Variants in TCF4 observed in about 807,000 individuals in gnomAD.
The protein encoded by TCF4 is transcription factor 4, also known as SL3-3 enhancer factor 2.
TCF4 carries 3 observed loss-of-function variants against 82.1 expected under a neutral mutation model. The ratio of observed to expected loss-of-function variants is 0.04; its 90% CI spans 0.02 to 0.09. The LOEUF is 0.09. Ranked by LOEUF, TCF4 falls within the 10% of genes least tolerant of loss-of-function variation. TCF4 has a pLI of 1.00. For synonymous variants in TCF4, 276 were observed against 309.6 expected (o/e 0.89, Z 1.14); for missense variants, 518 against 852.7 (o/e 0.61, Z 4.89).
At chr18:55,381,880 A>G (rs2091954166) in intron 6 of TCF4, among the ~76,000 whole-genome samples, 1 of 151,102 alleles carries the variant, frequency 6.6e-6, no homozygotes, top group Admixed American at 6.6e-5. Flanking sequence ...GGATTTGATG[A>G]TCTTTAAGGT....
At chr18:55,470,106 C>G (rs2096140577) in intron 3 of TCF4, among the ~76,000 whole-genome samples, 1 of 152,032 alleles carries the variant, frequency 6.6e-6, no homozygotes, top group Non-Finnish European at 1.5e-5. Context: ...AGTATTCTAA[C>G]AGAAGATAAG....
At chr18:55,390,894 C>T (rs915266432) in intron 6 of TCF4, among the ~76,000 whole-genome samples, 5 of 152,150 alleles carry the variant, frequency 3.3e-5, no homozygotes, top group Admixed American at 2.0e-4. Flanking sequence ...AATGTTCTTT[C>T]CGGTGACAAA....
intron 8 of TCF4, among the ~76,000 whole-genome samples, chr18:55,337,371 C>T (rs1257998400): frequency 6.6e-6 from 1 of 152,172 alleles, no homozygotes; most frequent in Non-Finnish European, 1.5e-5. Context: ...TAGGGTAACT[C>T]TGAGACCATT....
chr18:55,239,330 C>T (rs917529306), intron 15 of TCF4, among the ~76,000 whole-genome samples: 12 of 152,136 alleles, frequency 7.9e-5, no homozygotes, highest in Non-Finnish European at 1.8e-4. Context: ...ACAAAGAAAG[C>T]TAAGGCCAAG....
chr18:55,317,771 T>G (rs1423200913), intron 8 of TCF4, among the ~76,000 whole-genome samples: 1 of 152,102 alleles, frequency 6.6e-6, no homozygotes, highest in African/African-American at 2.4e-5. Context: ...GATATTCAAA[T>G]ATTCCTAATT....
chr18:55,275,594 C>A, intron 10 of TCF4, 25 bp downstream of exon 10: 2 of 1,613,452 alleles, frequency 1.2e-6, no homozygotes, highest in South Asian at 1.1e-5. Flanking sequence ...TGTGACATTC[C>A]CGTTACCGTG....
At chr18:55,375,256 A>C (rs756259055) in intron 6 of TCF4, among the ~76,000 whole-genome samples, 1 of 151,880 alleles carries the variant, frequency 6.6e-6, no homozygotes, top group Non-Finnish European at 1.5e-5. Flanking sequence ...AACAAAATAG[A>C]CTTTTACTTC....
chr18:55,487,596 G>T (rs904226114), intron 3 of TCF4, among the ~76,000 whole-genome samples: 2 of 152,112 alleles, frequency 1.3e-5, no homozygotes, highest in Non-Finnish European at 2.9e-5. Context: ...AATGGTGATA[G>T]AAATATATTA....
chr18:55,468,518 C>T (rs17511376), intron 3 of TCF4, among the ~76,000 whole-genome samples: 4,060 of 152,152 alleles, frequency 0.027, 93 homozygotes, highest in Non-Finnish European at 0.033. Flanking sequence ...TGGCTCAATA[C>T]GATAGTTCAG....
At chr18:55,500,056 G>T (rs767396393) in intron 3 of TCF4, among the ~76,000 whole-genome samples, 1 of 152,056 alleles carries the variant, frequency 6.6e-6, no homozygotes, top group Non-Finnish European at 1.5e-5. Flanking sequence ...GGTGGTATAC[G>T]CCTGTAATCC....
At chr18:55,373,060 C>T (rs1415924324) in intron 6 of TCF4, among the ~76,000 whole-genome samples, 1 of 151,894 alleles carries the variant, frequency 6.6e-6, no homozygotes, top group African/African-American at 2.4e-5. Flanking sequence ...GAAAATTAAA[C>T]TATGTTTATT....
intron 2 of TCF4, chr18:55,586,802 A>T (rs2097653836): frequency 4.2e-6 from 2 of 473,760 alleles, no homozygotes; most frequent in South Asian, 4.2e-5. Context: ...TATTTGGGGT[A>T]ATCAGTGGGT....
intron 2 of TCF4, among the ~76,000 whole-genome samples, chr18:55,621,322 A>G (rs1414417818): frequency 6.8e-6 from 1 of 147,132 alleles, no homozygotes; most frequent in African/African-American, 2.5e-5. Context: ...ATTAGAAAAT[A>G]TTTAACATAT....
intron 6 of TCF4, among the ~76,000 whole-genome samples, chr18:55,379,207 T>C (rs761855488): frequency 6.6e-6 from 1 of 152,184 alleles, no homozygotes; most frequent in Non-Finnish European, 1.5e-5. Flanking sequence ...AGGTAGCATC[T>C]TAGCAGGGGT....
intron 3 of TCF4, among the ~76,000 whole-genome samples, chr18:55,499,716 T>C (rs960721619): frequency 5.9e-5 from 9 of 152,190 alleles, no homozygotes; most frequent in East Asian, 3.8e-4. Flanking sequence ...ATCCTGTACC[T>C]GGGGAAAGAG....
intron 5 of TCF4, among the ~76,000 whole-genome samples, chr18:55,427,925 G>T (rs936918547): frequency 6.6e-6 from 1 of 152,174 alleles, no homozygotes; most frequent in Admixed American, 6.5e-5. Context: ...GATTTTGCAT[G>T]ACCTCTGTCT....
In TCF4 at chr18:55,246,807, G is replaced by T. The variant is rs376921110; in HGVS notation, c.1350+7690C>A. Among the ~76,000 whole-genome samples the T allele has an allele frequency of 5.3e-5, 8 of 151,980 alleles. No homozygotes were observed. In the East Asian group the frequency reaches 7.7e-4, roughly 15 times the overall value. ...AATCTGCTCTCCGAAATACTTGATA[G>T]TTGTGGAGATTAGGAGAGATGACAG... is the stretch of plus-strand genomic sequence containing the variant. On this transcript the variant is annotated intron_variant, in intron 15 of 19. Transcript: ENST00000354452.
At chr18:55,300,945 A>G (rs1308223447) in intron 8 of TCF4, among the ~76,000 whole-genome samples, 1 of 152,306 alleles carries the variant, frequency 6.6e-6, no homozygotes, top group East Asian at 1.9e-4. Context: ...ATACAAGGTC[A>G]TCGATCATGG....
At chr18:55,248,324 C>T (rs1024587544) in intron 15 of TCF4, among the ~76,000 whole-genome samples, 5 of 152,214 alleles carry the variant, frequency 3.3e-5, no homozygotes, top group Non-Finnish European at 5.9e-5. Flanking sequence ...CCAATAGCTT[C>T]GCTGAAATTC....
Sources: allele counts gnomAD v4.1 joint callset (sites outside exome capture counted in the v4.1 genomes callset), GRCh38; gene constraint gnomAD v4.1.1; transcripts MANE v1.5; gene names NCBI Gene and HGNC (gene_info 2026-07-23, HGNC 2026-07-21).